The following TMEM161B variants were observed in gnomAD, a reference collection of about 807,000 sequenced individuals.
The protein encoded by TMEM161B is transmembrane protein 161B.
Under a neutral mutation model 61.8 loss-of-function variants are expected in TMEM161B, and 34 were observed. The observed-to-expected ratio is 0.55, with a 90% CI of 0.42 to 0.73. TMEM161B has a LOEUF of 0.73. TMEM161B is among the 30% of genes least tolerant of loss of function. TMEM161B has a pLI of 0.00. For missense variants in TMEM161B, 456 were observed against 558.5 expected, an observed-to-expected ratio of 0.82 and a Z score of 1.85; for synonymous variants, 167 against 192.8, an observed-to-expected ratio of 0.87 and a Z score of 1.11.
chr5:88,211,639 G>A (rs1051435002), intron 5 of TMEM161B, among the ~76,000 whole-genome samples: 30 of 151,444 alleles, frequency 2.0e-4, no homozygotes, highest in Middle Eastern at 3.4e-3. Flanking sequence ...GCGCGGCGGC[G>A]GGCGCCTGTA....
chr5:88,196,090 A>T lies in TMEM161B; in HGVS notation c.*121T>A, dbSNP rs1580308312. On this transcript the variant is annotated 3_prime_UTR_variant, in exon 12 of 12. Transcript: ENST00000296595. ...ACAGAGGAAACATTTAATACAAGAC[A>T]TTCTGATATGTTTTTTTTTTCCCAT... 6.9e-7 allele frequency: 1 copy of T among 1,449,966 alleles called. No individual in the cohort carries two copies. Among genetic ancestry groups the T allele is most frequent in the East Asian group, 2.5e-5 (1 of 40,684 alleles). The allele number at this position is 1,449,966 out of a possible 1,614,324, so 89.8% of individuals were successfully genotyped here. A position where few individuals can be genotyped will look rare whatever the true frequency, so the allele number is the denominator to read the frequency against.
chr5:88,226,555 A>G (rs1750082408), intron 3 of TMEM161B, among the ~76,000 whole-genome samples: 1 of 152,192 alleles, frequency 6.6e-6, no homozygotes, highest in South Asian at 2.1e-4. Flanking sequence ...GCCTCTGAGT[A>G]GCTGGGACTA....
chr5:88,256,227 T>A (rs1754968582), intron 1 of TMEM161B, among the ~76,000 whole-genome samples: 1 of 152,132 alleles, frequency 6.6e-6, no homozygotes, highest in African/African-American at 2.4e-5. Context: ...TAATGTAATA[T>A]CTCATATAAA....
chr5:88,213,726 A>T (rs1444424978), intron 5 of TMEM161B, among the ~76,000 whole-genome samples: 2 of 152,190 alleles, frequency 1.3e-5, no homozygotes, highest in African/African-American at 4.8e-5. Context: ...TTAACTCTAG[A>T]TTTTTGTCTT....
intron 8 of TMEM161B, among the ~76,000 whole-genome samples, chr5:88,205,025 T>C (rs1292318073): frequency 6.6e-6 from 1 of 152,124 alleles, no homozygotes; most frequent in Non-Finnish European, 1.5e-5. Flanking sequence ...CAAAATGAAA[T>C]ATTCTCAAGT....
intron 5 of TMEM161B, among the ~76,000 whole-genome samples, chr5:88,214,063 A>G (rs1292904998): frequency 6.6e-6 from 1 of 152,200 alleles, no homozygotes; most frequent in Non-Finnish European, 1.5e-5. Flanking sequence ...TTCCCACAGC[A>G]AATAAAAACA....
At chr5:88,255,102 C>T (rs74824902) in intron 1 of TMEM161B, among the ~76,000 whole-genome samples, 2,862 of 152,246 alleles carry the variant, frequency 0.019, 63 homozygotes, top group East Asian at 0.11. Flanking sequence ...GGTCTAGAAA[C>T]TTGAGAAGAA....
At chr5:88,246,344 T>G (rs1175031853) in intron 1 of TMEM161B, among the ~76,000 whole-genome samples, 2 of 151,840 alleles carry the variant, frequency 1.3e-5, no homozygotes, top group African/African-American at 2.4e-5. Flanking sequence ...TTTGGAGAGA[T>G]AATTTTTAAA....
intron 8 of TMEM161B, among the ~76,000 whole-genome samples, chr5:88,203,593 C>A (rs908345420): frequency 6.6e-6 from 1 of 151,574 alleles, no homozygotes; most frequent in African/African-American, 2.4e-5. Context: ...AGGCATATGG[C>A]AGACGGAACC....
intron 9 of TMEM161B, chr5:88,201,025 AATCT>A (rs1210148511): frequency 1.3e-5 from 2 of 150,578 alleles, no homozygotes; most frequent in Non-Finnish European, 3.0e-5. Context: ...ATTTTTTCAC[AATCT>A]ATCACATGCA....
At chr5:88,206,608 A>G in intron 6 of TMEM161B, 109 bp from the exon 7 acceptor site, 1 of 1,106,884 alleles carries the variant, frequency 9.0e-7, no homozygotes, top group Non-Finnish European at 1.3e-6. Context: ...TAAATTTTGA[A>G]GTGACTAGCT....
At chr5:88,256,910 C>G (rs898697291) in intron 1 of TMEM161B, among the ~76,000 whole-genome samples, 9 of 152,188 alleles carry the variant, frequency 5.9e-5, no homozygotes, top group Admixed American at 4.6e-4. Context: ...TCTCCTTTCT[C>G]AAAGGAAGGA....
chr5:88,190,107 TCCAC>T, downstream of TMEM161B: 1 of 700,854 alleles, frequency 1.4e-6, no homozygotes, highest in Non-Finnish European at 2.6e-6. Context: ...TGGATAAGCC[TCCAC>T]CCACCCAGAG....
chr5:88,203,750 CATATATATAT>C (rs35091076), intron 8 of TMEM161B, among the ~76,000 whole-genome samples: 3 of 93,804 alleles, frequency 3.2e-5, no homozygotes, highest in East Asian at 2.6e-4. Context: ...ATTTCCCTAT[CATATATATAT>C]ATATATATAT....
At chr5:88,206,117 G>A (rs952878338) in intron 7 of TMEM161B, among the ~76,000 whole-genome samples, 163 bp from the exon 8 acceptor site, 12 of 152,104 alleles carry the variant, frequency 7.9e-5, no homozygotes, top group Admixed American at 7.2e-4. Flanking sequence ...GGATTCTGGT[G>A]AACTGTAAAC....
intron 1 of TMEM161B, among the ~76,000 whole-genome samples, chr5:88,267,071 T>G (rs760141135): frequency 1.1e-4 from 17 of 152,214 alleles, no homozygotes; most frequent in Non-Finnish European, 2.4e-4. Flanking sequence ...TTAATTATAC[T>G]TTACCTTCAA....
chr5:88,189,502 G>A (rs1748575797), downstream of TMEM161B: 1 of 152,664 alleles, frequency 6.6e-6, no homozygotes, highest in Non-Finnish European at 1.5e-5. Context: ...AGCGGTGGGA[G>A]TGGTCAGGAC....
chr5:88,244,113 G>A (rs1753205327), intron 1 of TMEM161B, among the ~76,000 whole-genome samples: 1 of 151,818 alleles, frequency 6.6e-6, no homozygotes. Context: ...CCTTTACTGT[G>A]CAGAAGCTCT....
chr5:88,248,967 C>T (rs1262355267), intron 1 of TMEM161B, among the ~76,000 whole-genome samples: 2 of 152,090 alleles, frequency 1.3e-5, no homozygotes, highest in Non-Finnish European at 2.9e-5. Context: ...AAGATTATGA[C>T]TTAACCACTG....
Sources: gnomAD v4.1 joint callset for allele counts (sites outside exome capture counted in the v4.1 genomes callset) on GRCh38, gnomAD v4.1.1 for gene constraint, MANE v1.5 for transcripts, NCBI Gene and HGNC (gene_info 2026-07-23, HGNC 2026-07-21) for gene names.